WDR93: variants seen among roughly 807,000 people sequenced by gnomAD.
WDR93 encodes the protein WD repeat-containing protein 93.
In WDR93, 73 loss-of-function variants were observed where a neutral mutation model predicts 82.9. That is an observed-to-expected ratio of 0.88 (90% CI 0.73 to 1.07). The LOEUF is 1.07. Ranked by LOEUF, WDR93 falls within the 50% of genes least tolerant of loss-of-function variation. The pLI is 0.00. For synonymous variants in WDR93, 283 were observed against 300.1 expected (o/e 0.94, Z 0.59); for missense variants, 738 against 826.0 (o/e 0.89, Z 1.31).
chr15:89,709,689 C>A (rs1965875036), intron 4 of WDR93, among the ~76,000 whole-genome samples: 1 of 152,060 alleles, frequency 6.6e-6, no homozygotes, highest in Non-Finnish European at 1.5e-5. Context: ...TGGACCCAAG[C>A]AGTCTTCCCA....
chr15:89,702,447 T>G (rs1965513546), intron 2 of WDR93, among the ~76,000 whole-genome samples: 1 of 152,218 alleles, frequency 6.6e-6, no homozygotes, highest in Non-Finnish European at 1.5e-5. Flanking sequence ...TATTTGTTTT[T>G]CTCTATTCTC....
At chr15:89,739,521 G>A (rs1967487306) in intron 16 of WDR93, among the ~76,000 whole-genome samples, 1 of 152,136 alleles carries the variant, frequency 6.6e-6, no homozygotes, top group South Asian at 2.1e-4. Flanking sequence ...CAAAGCATAA[G>A]GAACAGTACT....
intron 1 of WDR93, 107 bp from the exon 2 acceptor site, chr15:89,701,600 C>A: frequency 2.1e-6 from 2 of 932,100 alleles, no homozygotes; most frequent in Non-Finnish European, 3.2e-6. Context: ...AAATGCCAGT[C>A]TGTGGAATAA....
intron 2 of WDR93, among the ~76,000 whole-genome samples, chr15:89,702,602 T>C (rs916798261): frequency 1.3e-4 from 20 of 151,678 alleles, no homozygotes; most frequent in South Asian, 4.2e-4. Flanking sequence ...TGCAATGGTG[T>C]GATCTCGGCT....
intron 16 of WDR93, among the ~76,000 whole-genome samples, chr15:89,741,277 C>T (rs923218806): frequency 2.0e-5 from 3 of 152,188 alleles, no homozygotes; most frequent in Non-Finnish European, 4.4e-5. Context: ...GTCATCCAGG[C>T]TGGAGTGCAG....
At chr15:89,741,578 A>G (rs979820059) in intron 16 of WDR93, among the ~76,000 whole-genome samples, 3 of 152,158 alleles carry the variant, frequency 2.0e-5, no homozygotes, top group Non-Finnish European at 4.4e-5. Context: ...TGGCAGAGTT[A>G]AGGTCAAAAA....
At chr15:89,690,593 G>C (rs1407618190), upstream of WDR93, 4 of 1,551,410 alleles carry the variant, frequency 2.6e-6, 1 homozygote, top group Admixed American at 7.8e-5. Context: ...AGTCGGTCCC[G>C]GCCCTGGGTC....
At chr15:89,741,910 C>A (rs759895391) in intron 16 of WDR93, among the ~76,000 whole-genome samples, 6 of 152,178 alleles carry the variant, frequency 3.9e-5, no homozygotes, top group Non-Finnish European at 8.8e-5. Flanking sequence ...TGCCACCATG[C>A]CCAGCTAATT....
intron 8 of WDR93, among the ~76,000 whole-genome samples, chr15:89,724,234 T>C (rs1966641397): frequency 6.6e-6 from 1 of 151,998 alleles, no homozygotes; most frequent in South Asian, 2.1e-4. Context: ...CCCAGCTACT[T>C]GGGAGGTTAA....
At chr15:89,716,824 G>C (rs776114647) in intron 6 of WDR93, 87 bp from the exon 7 acceptor site, 23 of 925,464 alleles carry the variant, frequency 2.5e-5, no homozygotes, top group Non-Finnish European at 3.5e-5. Flanking sequence ...AGTAATTGAG[G>C]GGAAGAGAGA....
chr15:89,698,024 C>T (rs1389525505), intron 1 of WDR93, among the ~76,000 whole-genome samples: 5 of 151,572 alleles, frequency 3.3e-5, no homozygotes, highest in Non-Finnish European at 4.4e-5. Flanking sequence ...GGACTACAGG[C>T]GCCTACCACC....
At chr15:89,730,747 G>A (rs952036052) in intron 11 of WDR93, among the ~76,000 whole-genome samples, 3 of 151,932 alleles carry the variant, frequency 2.0e-5, no homozygotes, top group African/African-American at 7.3e-5. Flanking sequence ...ATAGCCAAGC[G>A]TGGCAGCATG....
At chr15:89,725,028 G>T (rs1283346898) in intron 8 of WDR93, among the ~76,000 whole-genome samples, 1 of 152,070 alleles carries the variant, frequency 6.6e-6, no homozygotes. Context: ...AGATTTTTCA[G>T]TGCTAAAACT....
intron 8 of WDR93, among the ~76,000 whole-genome samples, chr15:89,724,386 C>T (rs1482014328): frequency 1.3e-5 from 2 of 152,100 alleles, no homozygotes; most frequent in Non-Finnish European, 2.9e-5. Context: ...ATAACTTTAT[C>T]ACCTCTGGGT....
chr15:89,702,176 A>T (rs1352461943), intron 2 of WDR93, 127 bp downstream of exon 2: 2 of 1,063,004 alleles, frequency 1.9e-6, no homozygotes, highest in South Asian at 3.5e-5. Flanking sequence ...TTTTTGAAAG[A>T]TTAGAAGCAT....
At chr15:89,741,568 T>A (rs947257586) in intron 16 of WDR93, among the ~76,000 whole-genome samples, 2 of 152,192 alleles carry the variant, frequency 1.3e-5, no homozygotes, top group East Asian at 1.9e-4. Flanking sequence ...CTACTTAGAT[T>A]GGCAGAGTTA....
intron 1 of WDR93, among the ~76,000 whole-genome samples, chr15:89,696,219 T>A (rs572640521): frequency 2.6e-5 from 4 of 152,346 alleles, no homozygotes; most frequent in Admixed American, 2.6e-4. Flanking sequence ...GCTGTATAAA[T>A]GGAATTGGAC....
At chr15:89,737,018 C>T (rs1967248780) in intron 14 of WDR93, among the ~76,000 whole-genome samples, 1 of 152,180 alleles carries the variant, frequency 6.6e-6, no homozygotes, top group Admixed American at 6.5e-5. Context: ...GTCTCGATCT[C>T]CTGACCTCGT....
chr15:89,723,073 CA>C (rs1472635067), intron 8 of WDR93, among the ~76,000 whole-genome samples: 1 of 151,630 alleles, frequency 6.6e-6, no homozygotes, highest in Non-Finnish European at 1.5e-5. Flanking sequence ...GAGTGGCATG[CA>C]CCTGTGGTCC....
Sources: gnomAD v4.1 joint callset for allele counts (sites outside exome capture counted in the v4.1 genomes callset) on GRCh38, gnomAD v4.1.1 for gene constraint, MANE v1.5 for transcripts, NCBI Gene and HGNC (gene_info 2026-07-23, HGNC 2026-07-21) for gene names.